MECR: variants seen among roughly 807,000 people sequenced by gnomAD.
MECR encodes the protein enoyl-[acyl-carrier-protein] reductase, mitochondrial.
Under a neutral mutation model 49.1 loss-of-function variants are expected in MECR, and 37 were observed. That is an observed-to-expected ratio of 0.75 (90% CI 0.58 to 0.99). The LOEUF (loss-of-function observed/expected upper bound fraction) is 0.99. MECR is among the 50% of genes least tolerant of loss of function. The probability of loss-of-function intolerance (pLI) is 0.00; values close to 1 mark genes in which losing one functional copy is unlikely to be tolerated. For synonymous variants in MECR, 198 were observed against 191.1 expected (o/e 1.04, Z -0.30); for missense variants, 470 against 479.6 (o/e 0.98, Z 0.19).
At chr1:29,211,086 G>GA (rs1482115450) in intron 3 of MECR, among the ~76,000 whole-genome samples, 1 of 66,400 alleles carries the variant, frequency 1.5e-5, no homozygotes, top group Admixed American at 1.4e-4. Flanking sequence ...TGTAAATAAA[G>GA]GGTTTTTTTT....
chr1:29,185,756 A>G, the MECR span, among the ~76,000 whole-genome samples: 1 of 152,150 alleles, frequency 6.6e-6, no homozygotes, highest in Non-Finnish European at 1.5e-5. Context: ...TGTGAGGAAC[A>G]TAACATTCTT....
chr1:29,181,495 CCGCGCCCCCGA>C, the MECR span: 1 of 608,600 alleles, frequency 1.6e-6, no homozygotes, highest in African/African-American at 2.0e-5. Context: ...CGGGGCCTAC[CCGCGCCCCCGA>C]GGCGCCGCCA....
At chr1:29,184,847 A>G in the MECR span, among the ~76,000 whole-genome samples, 1 of 151,850 alleles carries the variant, frequency 6.6e-6, no homozygotes, top group Non-Finnish European at 1.5e-5. Flanking sequence ...GGCTCAGGCC[A>G]GGCACAGTGG....
intron 1 of MECR, among the ~76,000 whole-genome samples, chr1:29,228,410 T>C (rs1260694589): frequency 4.0e-5 from 6 of 150,978 alleles, no homozygotes; most frequent in Admixed American, 4.0e-4. Context: ...TAAAGTTCAA[T>C]GGCGCGATCT....
At chr1:29,170,527 G>A in the MECR span, 2 of 151,970 alleles carry the variant, frequency 1.3e-5, no homozygotes, top group East Asian at 3.9e-4. Context: ...CCTCATAATC[G>A]CCCCTGGTCC....
intron 1 of MECR, 106 bp from the exon 2 acceptor site, chr1:29,216,791 T>C: frequency 1.3e-5 from 20 of 1,585,068 alleles, no homozygotes; most frequent in Non-Finnish European, 1.6e-5. Flanking sequence ...TGAGCTGCCA[T>C]GTGTGCCCAG....
intron 3 of MECR, among the ~76,000 whole-genome samples, chr1:29,211,930 C>T (rs1574400707): frequency 1.3e-5 from 2 of 152,346 alleles, no homozygotes; most frequent in East Asian, 3.9e-4. Context: ...CAACTAAGAA[C>T]TTACCTGTTT....
At chr1:29,208,794 C>T (rs897789538) in intron 3 of MECR, among the ~76,000 whole-genome samples, 3 of 151,742 alleles carry the variant, frequency 2.0e-5, no homozygotes, top group African/African-American at 4.8e-5. Flanking sequence ...CTAGTGGAGT[C>T]GAACAGGTGA....
At chr1:29,213,299 G>C (rs1418016093) in intron 3 of MECR, among the ~76,000 whole-genome samples, 2 of 152,206 alleles carry the variant, frequency 1.3e-5, no homozygotes, top group African/African-American at 4.8e-5. Context: ...TCAAATGGCT[G>C]AGCTCCTTCA....
At chr1:29,203,341 A>G in intron 4 of MECR, 108 bp from the exon 5 acceptor site, 1 of 769,842 alleles carries the variant, frequency 1.3e-6, no homozygotes, top group Non-Finnish European at 2.1e-6. Context: ...CAGGCTCAAC[A>G]GGGACCCAGG....
chr1:29,194,296 T>C, intron 9 of MECR, 117 bp from the exon 10 acceptor site: 2 of 1,184,948 alleles, frequency 1.7e-6, no homozygotes, highest in Non-Finnish European at 2.4e-6. Flanking sequence ...GCCTTGAGAG[T>C]CCTGGCTGTG....
chr1:29,200,607 T>C lies in MECR; in HGVS notation c.757-18A>G. 6.2e-7 allele frequency: 1 copy of C among 1,611,982 alleles called. No individual in the cohort carries two copies. The highest frequency in any genetic ancestry group is 8.5e-7 in the Non-Finnish European group (1 of 1,178,180). On this transcript the variant is annotated intron_variant, in intron 6 of 9. Coordinates refer to ENST00000263702, the MANE Select transcript of MECR (RefSeq NM_016011.5). ...GGCATGTCCTGGAAAACAACAAAAG[T>C]GCAGTGAGGGAGCATCCCCGCTCTA... is the stretch of plus-strand genomic sequence containing the variant.
chr1:29,201,960 T>A lies in MECR; in HGVS notation c.739A>T (p.Met247Leu), dbSNP rs986191656. The A allele has an allele frequency of 9.9e-6, 16 of 1,614,012 alleles. No homozygotes were observed. The highest frequency in any genetic ancestry group is 1.6e-4 in the Middle Eastern group (1 of 6,082). Residue 247 changes from methionine (M) to leucine (L), a missense_variant, in exon 6 of 10, where the codon ATG becomes TTG. By Grantham distance (15) the Met-to-Leu change is conservative (BLOSUM62 2). Transcript: ENST00000263702. This position sits in a 1 kb window ranked among gnomAD's most constrained non-coding sequence, Gnocchi z 4.3. ...CTAGGTACCTTAAAGAAGTTTTTCA[T>A]TTCGGGCCTTCTTAGCTCCTCTTCT... The part of the protein sequence containing the change: ...ITEEELRRPE[M>L]KNFFKDMPQP...
At chr1:29,216,292 G>T (rs1231158313) in intron 2 of MECR, among the ~76,000 whole-genome samples, 156 bp from the exon 3 acceptor site, 1 of 152,162 alleles carries the variant, frequency 6.6e-6, no homozygotes, top group African/African-American at 2.4e-5. Context: ...TGTATAGGGG[G>T]ACAATATTCT....
At chr1:29,215,716 C>CA (rs1398662333) in intron 3 of MECR, among the ~76,000 whole-genome samples, 3 of 151,594 alleles carry the variant, frequency 2.0e-5, no homozygotes, top group African/African-American at 4.9e-5. Context: ...ACTAACAATA[C>CA]AAAAATTAGC....
At chr1:29,210,887 A>G (rs1677842347) in intron 3 of MECR, among the ~76,000 whole-genome samples, 1 of 152,206 alleles carries the variant, frequency 6.6e-6, no homozygotes, top group Non-Finnish European at 1.5e-5. Flanking sequence ...AGAGACTATC[A>G]CTATGCCTAG....
At chr1:29,218,676 G>A (rs1427390386) in intron 1 of MECR, among the ~76,000 whole-genome samples, 1 of 152,200 alleles carries the variant, frequency 6.6e-6, no homozygotes, top group East Asian at 1.9e-4. Context: ...GTCGAGACCA[G>A]CCTGGTCAAC....
intron 7 of MECR, 179 bp downstream of exon 7, chr1:29,200,337 G>A: frequency 9.2e-6 from 5 of 541,410 alleles, no homozygotes; most frequent in Non-Finnish European, 1.3e-5. Flanking sequence ...ATCTGCAAAG[G>A]GGAAGGCTGA....
At chr1:29,215,591 C>T (rs915905352) in intron 3 of MECR, among the ~76,000 whole-genome samples, 4 of 151,624 alleles carry the variant, frequency 2.6e-5, no homozygotes, top group African/African-American at 9.7e-5. Flanking sequence ...CAAAACAAGG[C>T]CAAGCGTGGT....
Sources: allele counts gnomAD v4.1 joint callset (sites outside exome capture counted in the v4.1 genomes callset), GRCh38; gene constraint gnomAD v4.1.1; non-coding constraint Gnocchi (gnomAD v3.1); transcripts MANE v1.5; gene names NCBI Gene and HGNC (gene_info 2026-07-23, HGNC 2026-07-21).